The following PPP1R3F variants were observed in gnomAD, a reference collection of about 807,000 sequenced individuals.
PPP1R3F encodes protein phosphatase 1 regulatory subunit 3F.
In PPP1R3F, 29 loss-of-function variants were observed where a neutral mutation model predicts 24.2. That is an observed-to-expected ratio of 1.20 (90% CI 0.89 to 1.63). The LOEUF (loss-of-function observed/expected upper bound fraction) is 1.63, where lower values mean the gene tolerates loss of function less well. Ranked by LOEUF, PPP1R3F falls within the 40% of genes most tolerant of loss-of-function variation. The pLI is 0.00. For synonymous variants in PPP1R3F, 363 were observed against 340.1 expected (o/e 1.07, Z -0.74); for missense variants, 823 against 729.3 (o/e 1.13, Z -1.48).
intron 1 of PPP1R3F, chrX:49,275,091 C>T (rs914276177): frequency 9.0e-6 from 1 of 111,128 alleles, no homozygotes; most frequent in Non-Finnish European, 1.9e-5. Context: ...CTCCCTCCTG[C>T]TTCTGGCCAG....
chrX:49,285,013 G>A (rs2066272795), intron 3 of PPP1R3F, among the ~76,000 whole-genome samples: 1 of 111,061 alleles, frequency 9.0e-6, no homozygotes, highest in East Asian at 2.8e-4. Flanking sequence ...TCCTGGCTAT[G>A]TTTTGGGATT....
At chrX:49,274,212 A>G (rs181259351) in intron 1 of PPP1R3F, 1 of 112,298 alleles carries the variant, frequency 8.9e-6, no homozygotes, top group East Asian at 2.8e-4. Flanking sequence ...CCAAAGTCCT[A>G]GGGCTGGTGT....
At chrX:49,284,223 C>T (rs1021332010) in intron 3 of PPP1R3F, among the ~76,000 whole-genome samples, 6 of 111,677 alleles carry the variant, frequency 5.4e-5, no homozygotes, top group Non-Finnish European at 9.4e-5. Context: ...CCTTTTGACA[C>T]GCCCTCATCA....
chrX:49,270,046 G>C lies in PPP1R3F; in HGVS notation c.177G>C (p.Gly59=). 1.0e-6 allele frequency: 1 copy of C among 976,090 alleles called. No individual in the cohort carries two copies. Among genetic ancestry groups the C allele is most frequent in the East Asian group, 4.2e-5 (1 of 23,816 alleles). The allele number at this position is 976,090 out of a possible 1,213,427, so 80.4% of individuals were successfully genotyped here. A position where few individuals can be genotyped will look rare whatever the true frequency, so the allele number is the denominator to read the frequency against. Residue 59 remains glycine (G), a synonymous_variant, in exon 1 of 4, where the codon GGG becomes GGC. Coordinates refer to ENST00000055335, the MANE Select transcript of PPP1R3F (RefSeq NM_033215.5). ...TGCGCCGCTACCGGCCGTGGGGCGG[G>C]CCCGGGGCGGGCAAGATGGCGGCGG... ...AQLRRYRPWG[G]PGAGKMAAAA...
At chrX:49,271,194 G>C (rs1321851562) in intron 1 of PPP1R3F, among the ~76,000 whole-genome samples, 1 of 111,760 alleles carries the variant, frequency 8.9e-6, no homozygotes, top group Non-Finnish European at 1.9e-5. Context: ...TAGGGACAAA[G>C]TTAGCTGCTG....
At chrX:49,290,976 A>T (rs1209210225), downstream of PPP1R3F, among the ~76,000 whole-genome samples, 1 of 111,182 alleles carries the variant, frequency 9.0e-6, no homozygotes, top group Non-Finnish European at 1.9e-5. Flanking sequence ...AATTACATTG[A>T]TAAGTTTGTA....
chrX:49,292,642 G>A (rs1322296141), downstream of PPP1R3F, among the ~76,000 whole-genome samples: 1 of 113,015 alleles, frequency 8.8e-6, no homozygotes, highest in African/African-American at 3.2e-5. Context: ...TCCAGGCCTG[G>A]TGGTCTGGGG....
chrX:49,300,882 C>T (rs782106378), intron 3 of PPP1R3F, among the ~76,000 whole-genome samples: 2 of 111,529 alleles, frequency 1.8e-5, no homozygotes, highest in South Asian at 7.5e-4. Context: ...GCTAAGCATG[C>T]TCCCTGCCCC....
At chrX:49,289,695 G>T (rs2066303175), downstream of PPP1R3F, among the ~76,000 whole-genome samples, 1 of 111,522 alleles carries the variant, frequency 9.0e-6, no homozygotes, top group Admixed American at 9.5e-5. Flanking sequence ...GGGCCCAGAG[G>T]ACTTCTGGGA....
chrX:49,284,374 C>T (rs1333134534), intron 3 of PPP1R3F, among the ~76,000 whole-genome samples: 1 of 108,844 alleles, frequency 9.2e-6, no homozygotes, highest in Non-Finnish European at 1.9e-5. Flanking sequence ...TCTTTTCTTT[C>T]CTTTCCTTTC....
chrX:49,289,068 G>A (rs782348104), downstream of PPP1R3F, among the ~76,000 whole-genome samples: 5 of 111,737 alleles, frequency 4.5e-5, no homozygotes, highest in South Asian at 1.9e-3. Flanking sequence ...AGAGGTTGCA[G>A]TGAGCCGAGA....
chrX:49,289,413 T>G (rs972236316), downstream of PPP1R3F, among the ~76,000 whole-genome samples: 2 of 111,585 alleles, frequency 1.8e-5, no homozygotes, highest in Non-Finnish European at 1.9e-5. Context: ...AAACCTTAGA[T>G]GCCAATAAGC....
downstream of PPP1R3F, among the ~76,000 whole-genome samples, chrX:49,292,577 C>T (rs1449421005): frequency 8.9e-6 from 1 of 112,753 alleles, no homozygotes; most frequent in Non-Finnish European, 1.9e-5. Context: ...TGGCCAGCTG[C>T]CAGCTCCGCC....
At chrX:49,289,606 T>C (rs1009748029), downstream of PPP1R3F, among the ~76,000 whole-genome samples, 2 of 111,183 alleles carry the variant, frequency 1.8e-5, no homozygotes, top group Admixed American at 1.9e-4. Context: ...ATGGTGACAT[T>C]GTAAAGAAAA....
intron 1 of PPP1R3F, among the ~76,000 whole-genome samples, chrX:49,271,363 C>G (rs781977046): frequency 9.0e-6 from 1 of 111,663 alleles, no homozygotes; most frequent in African/African-American, 3.3e-5. Flanking sequence ...ACAGGGAGGA[C>G]TTTTCTGAGG....
At chrX:49,277,416 T>C (rs782478646) in intron 1 of PPP1R3F, among the ~76,000 whole-genome samples, 1 of 112,787 alleles carries the variant, frequency 8.9e-6, no homozygotes, top group Admixed American at 9.3e-5. Context: ...TTTCCAGATC[T>C]GTGTGCCCTG....
chrX:49,281,933 C>A, intron 2 of PPP1R3F, 48 bp from the exon 3 acceptor site: 1 of 970,227 alleles, frequency 1.0e-6, no homozygotes, highest in Non-Finnish European at 1.5e-6. Context: ...AAAACCATAC[C>A]TACTTGTATG....
chrX:49,294,980 T>G (rs2147979543), intron 3 of PPP1R3F, among the ~76,000 whole-genome samples: 1 of 105,595 alleles, frequency 9.5e-6, no homozygotes, highest in African/African-American at 3.5e-5. Context: ...TTATATCAGG[T>G]TAAGAAAGTT....
Position 49,286,276 on chromosome X carries a change from T to C in PPP1R3F, c.1586T>C (p.Leu529Pro). ...GMSPSHPLGI[L>P]TDRDLILKWP... ...TCCCCCAGCCATCCCCTGGGCATACTGACGGACCGCGACCTGATCTTGAAG... is the reference window on the plus strand; with the variant it reads ...TCCCCCAGCCATCCCCTGGGCATACCGACGGACCGCGACCTGATCTTGAAG... The change falls in exon 4 of 4, where the codon CTG becomes CCG. Residue 529 changes from leucine to proline, a missense_variant. Coordinates refer to ENST00000055335, the MANE Select transcript of PPP1R3F (RefSeq NM_033215.5). 8.3e-7 allele frequency: 1 copy of C among 1,211,071 alleles called. No individual in the cohort carries two copies. The highest frequency in any genetic ancestry group is 1.1e-6 in the Non-Finnish European group (1 of 895,228).
Sources: gnomAD v4.1 joint callset for allele counts (sites outside exome capture counted in the v4.1 genomes callset) on GRCh38, gnomAD v4.1.1 for gene constraint, MANE v1.5 for transcripts, NCBI Gene and HGNC (gene_info 2026-07-23, HGNC 2026-07-21) for gene names.